Variants in CLUL1 observed in about 807,000 individuals in gnomAD.
CLUL1 encodes the protein clusterin-like protein 1.
CLUL1 carries 43 observed loss-of-function variants against 49.4 expected under a neutral mutation model. The ratio of observed to expected loss-of-function variants is 0.87; its 90% CI spans 0.68 to 1.12. The LOEUF (loss-of-function observed/expected upper bound fraction) is 1.12. Among genes scored for constraint, CLUL1 ranks in the 50% most tolerant of loss-of-function variants. The pLI is 0.00. For missense variants in CLUL1, 486 were observed against 544.4 expected (o/e 0.89, Z 1.07); for synonymous variants, 192 against 184.9 (o/e 1.04, Z -0.31).
chr18:599,800 C>T (rs1336920184), intron 1 of CLUL1, among the ~76,000 whole-genome samples: 1 of 151,876 alleles, frequency 6.6e-6, no homozygotes, highest in Non-Finnish European at 1.5e-5. Flanking sequence ...GGTGTGTTGG[C>T]GGGCGCCTGT....
At chr18:608,740 A>G (rs903848332) in intron 2 of CLUL1, among the ~76,000 whole-genome samples, 28 of 152,192 alleles carry the variant, frequency 1.8e-4, no homozygotes, top group African/African-American at 6.8e-4. Flanking sequence ...CAAACAAATA[A>G]GTATAGTTCT....
intron 7 of CLUL1, among the ~76,000 whole-genome samples, chr18:637,009 C>T (rs999345267): frequency 2.0e-4 from 30 of 149,784 alleles, no homozygotes; most frequent in South Asian, 2.1e-4. Context: ...TTTTTTGAGA[C>T]GGAGTCTTGC....
chr18:602,660 G>A (rs542421126), intron 1 of CLUL1, among the ~76,000 whole-genome samples: 1 of 152,324 alleles, frequency 6.6e-6, no homozygotes, highest in Non-Finnish European at 1.5e-5. Context: ...GGAAGAGACA[G>A]GTAATAATAG....
intron 6 of CLUL1, among the ~76,000 whole-genome samples, chr18:632,380 C>CA (rs1226080613): frequency 6.6e-6 from 1 of 151,162 alleles, no homozygotes; most frequent in Non-Finnish European, 1.5e-5. Flanking sequence ...ATGAGAAATG[C>CA]AAAAAAAGAA....
rs892966927 is a variant in CLUL1 at position 635,451 on chromosome 18, C to T, written c.994+2016C>T. Among the ~76,000 whole-genome samples, 10 of 152,248 alleles carry T rather than the reference C, an allele frequency of 6.6e-5. No individual in the cohort carries two copies. In the East Asian group the frequency reaches 1.9e-3, roughly 29 times the overall value. On this transcript the variant is annotated intron_variant, in intron 7 of 9. Transcript: ENST00000692774. ...AGCTCCGTTCCTAAGAGGCTACAGG[C>T]TGATATGGGTCCGTGGCCCAGGGGT... is the stretch of plus-strand genomic sequence containing the variant.
chr18:619,151 G>A, intron 3 of CLUL1, 62 bp from the exon 4 acceptor site: 1 of 1,496,724 alleles, frequency 6.7e-7, no homozygotes, highest in South Asian at 1.2e-5. Flanking sequence ...TGAAAGGTTG[G>A]TGAACTTGGT....
At chr18:645,268 A>T in intron 9 of CLUL1, 171 bp downstream of exon 9, 7 of 486,420 alleles carry the variant, frequency 1.4e-5, no homozygotes, top group Non-Finnish European at 2.5e-5. Flanking sequence ...AAATTAAAAA[A>T]AAACCCAGGA....
Position 624,948 on chromosome 18 carries a change from G to C in CLUL1, c.339G>C (p.Trp113Cys). The C allele has an allele frequency of 1.2e-6, 2 of 1,614,090 alleles. No homozygotes were observed. Among genetic ancestry groups the C allele is most frequent in the Non-Finnish European group, 1.7e-6 (2 of 1,179,982 alleles). ...GCCGGGAGTCTTTGGCAGATTCCTG[G>C]GGTGAATGCAGGTCTTGCCTGGAAA... is the stretch of plus-strand genomic sequence containing the variant. ...RLCRESLADSWGECRSCLENN... is the reference protein window; with the variant it reads ...RLCRESLADSCGECRSCLENN... The change falls in exon 5 of 10, where the codon TGG becomes TGC. Residue 113 changes from tryptophan (W) to cysteine (C), a missense_variant. Physicochemically the swap from Trp to Cys is radical, Grantham distance 215. Transcript: ENST00000692774.
At chr18:626,302 A>T (rs1296750299) in intron 5 of CLUL1, among the ~76,000 whole-genome samples, 3 of 151,962 alleles carry the variant, frequency 2.0e-5, no homozygotes, top group Non-Finnish European at 4.4e-5. Context: ...TAGTAGAGAC[A>T]GGGTTTTACC....
chr18:597,710 A>T (rs1034193891), intron 1 of CLUL1: 2 of 152,180 alleles, frequency 1.3e-5, no homozygotes, highest in Admixed American at 1.3e-4. Flanking sequence ...TCTGTCTCAA[A>T]ATAAATAAAT....
rs139197267 is a variant in CLUL1, at chr18:629,590, C to T, written c.856+2061C>T. ...TCTCATTCACACAGCTGGGGGCCAG[C>T]CCTACTCTCAGCTGCCTCACACGCA... On this transcript the variant is annotated intron_variant, in intron 6 of 9. Transcript: ENST00000692774. Among the ~76,000 whole-genome samples the T allele has an allele frequency of 3.6e-3, 549 of 152,328 alleles. 3 individuals are homozygous for T. Among genetic ancestry groups the T allele is most frequent in the Admixed American group, 5.6e-3 (85 of 15,306 alleles).
Position 626,928 on chromosome 18 carries a change from AAGG to A in CLUL1, c.424-167_424-165del, listed in dbSNP as rs1567966656. On this transcript the variant is annotated intron_variant, in intron 5 of 9. Transcript: ENST00000692774. The stretch of plus-strand genomic sequence containing the variant: ...GAAAGAAAGAAAGAAAGAAAGAAAG[AAGG>A]AAAGAAGGAAAGAAGGAAGGAAGGA... Among the ~76,000 whole-genome samples, 39 of 23,272 alleles carry A rather than the reference AAGG, an allele frequency of 1.7e-3. 10 individuals carry two copies. Among genetic ancestry groups the A allele is most frequent in the African/African-American group, 3.4e-3 (17 of 5,038 alleles). The allele number at this position is 23,272 out of a possible 152,430, so 15.3% of individuals were successfully genotyped here.
At chr18:649,856 A>G in intron 9 of CLUL1, 42 bp from the exon 10 acceptor site, 1 of 1,201,156 alleles carries the variant, frequency 8.3e-7, no homozygotes, top group Non-Finnish European at 1.2e-6. Flanking sequence ...TGAGTAATTT[A>G]TTAGTATTTT....
intron 2 of CLUL1, among the ~76,000 whole-genome samples, chr18:615,926 C>T (rs770448184): frequency 7.2e-5 from 11 of 152,140 alleles, no homozygotes; most frequent in Non-Finnish European, 1.2e-4. Flanking sequence ...CCAGGACCAA[C>T]GTCATAGGGC....
At chr18:614,167 C>T (rs1441061472) in intron 2 of CLUL1, among the ~76,000 whole-genome samples, 1 of 152,190 alleles carries the variant, frequency 6.6e-6, no homozygotes, top group Non-Finnish European at 1.5e-5. Context: ...GTTAGCCAAC[C>T]TTTGCCTGCA....
intron 7 of CLUL1, among the ~76,000 whole-genome samples, chr18:635,138 T>C (rs1333962501): frequency 6.6e-6 from 1 of 152,290 alleles, no homozygotes; most frequent in Middle Eastern, 3.4e-3. Context: ...CCCAAGATAA[T>C]CTTTGGGTTC....
intron 4 of CLUL1, among the ~76,000 whole-genome samples, chr18:622,742 A>T (rs910877643): frequency 3.9e-5 from 6 of 152,210 alleles, no homozygotes; most frequent in Non-Finnish European, 8.8e-5. Context: ...ATAATAACAG[A>T]TGTCTTGCCT....
chr18:626,776 A>G (rs956681783), intron 5 of CLUL1, among the ~76,000 whole-genome samples: 1 of 148,782 alleles, frequency 6.7e-6, no homozygotes, highest in African/African-American at 2.5e-5. Flanking sequence ...CAGAAGAATC[A>G]CTTGAACCCA....
At chr18:648,373 G>A (rs1023184063) in intron 9 of CLUL1, among the ~76,000 whole-genome samples, 7 of 150,160 alleles carry the variant, frequency 4.7e-5, no homozygotes, top group Non-Finnish European at 2.9e-5. Flanking sequence ...CAATGTTAAT[G>A]TTTTTCTTTT....
Sources: allele counts gnomAD v4.1 joint callset (sites outside exome capture counted in the v4.1 genomes callset), GRCh38; gene constraint gnomAD v4.1.1; transcripts MANE v1.5; gene names NCBI Gene and HGNC (gene_info 2026-07-23, HGNC 2026-07-21).